Variants in WFDC11 observed in about 807,000 individuals in gnomAD.
WFDC11 encodes protein WFDC11.
A neutral mutation model predicts 9.9 loss-of-function variants in WFDC11; 9 were observed. The ratio of observed to expected loss-of-function variants is 0.91; its 90% CI spans 0.55 to 1.58. WFDC11 has a LOEUF of 1.58. WFDC11 is among the 40% of genes most tolerant of loss of function. WFDC11 has a pLI of 0.00. For missense variants in WFDC11, 106 were observed against 101.7 expected (o/e 1.04, Z -0.18); for synonymous variants, 32 against 33.3 (o/e 0.96, Z 0.13).
intron 1 of WFDC11, among the ~76,000 whole-genome samples, chr20:45,669,127 G>C (rs555898701): frequency 2.6e-5 from 4 of 152,204 alleles, no homozygotes; most frequent in East Asian, 3.9e-4. Flanking sequence ...CAGTTGTCTA[G>C]TGTCACAATC....
At chr20:45,651,226 G>T (rs1225619793) in intron 2 of WFDC11, among the ~76,000 whole-genome samples, 1 of 152,162 alleles carries the variant, frequency 6.6e-6, no homozygotes, top group Non-Finnish European at 1.5e-5. Flanking sequence ...CACCTACTAT[G>T]TGCCCAGCAC....
At chr20:45,661,424 A>G (rs1197000511) in intron 2 of WFDC11, among the ~76,000 whole-genome samples, 2 of 151,908 alleles carry the variant, frequency 1.3e-5, no homozygotes, top group African/African-American at 4.8e-5. Context: ...TAGTTTAATT[A>G]GATCCCATTT....
At chr20:45,649,893 T>C (rs1982764527) in intron 3 of WFDC11, among the ~76,000 whole-genome samples, 1 of 152,088 alleles carries the variant, frequency 6.6e-6, no homozygotes. Context: ...CAGCCTCTCT[T>C]CAAATTCTTA....
Position 45,648,818 on chromosome 20 carries a change from T to C in WFDC11, c.244-79A>G, listed in dbSNP as rs1178958637. The C allele has an allele frequency of 3.5e-6, 5 of 1,426,782 alleles. No individual in the cohort carries two copies. The African/African-American group carries it at 4.2e-5, about 12-fold the overall frequency. The allele number at this position is 1,426,782 out of a possible 1,614,324, so 88.4% of individuals were successfully genotyped here. The stretch of plus-strand genomic sequence containing the variant: ...CATTCATTCCCCCTGCTTAATAGTA[T>C]CCATGTTCACCAGACAATGGGACAA... On this transcript the variant is annotated intron_variant, in intron 4 of 4. Coordinates refer to ENST00000324384, the MANE Select transcript of WFDC11 (RefSeq NM_147197.2).
intron 2 of WFDC11, among the ~76,000 whole-genome samples, chr20:45,665,610 G>A (rs1983171328): frequency 6.6e-6 from 1 of 151,268 alleles, no homozygotes; most frequent in Non-Finnish European, 1.5e-5. Flanking sequence ...TGGTGTAGAT[G>A]TCCTTTTTGT....
Position 45,656,085 on chromosome 20 carries a change from T to G in WFDC11, c.-51-5434A>C, listed in dbSNP as rs570818074. 5.7e-4 allele frequency among the ~76,000 whole-genome samples: 87 copies of G among 152,188 alleles called. 1 individual carries two copies. The highest frequency in any genetic ancestry group is 3.4e-3 in the Middle Eastern group (1 of 294). On this transcript the variant is annotated intron_variant, in intron 2 of 4. Transcript: ENST00000324384. ...CTTCACAGAATTGGGAAAAACTACTTTAAAGTTCATATGGAACCAAAAAAG... is the reference window on the plus strand; with the variant it reads ...CTTCACAGAATTGGGAAAAACTACTGTAAAGTTCATATGGAACCAAAAAAG...
At chr20:45,653,280 T>C (rs961370157) in intron 2 of WFDC11, among the ~76,000 whole-genome samples, 1 of 152,084 alleles carries the variant, frequency 6.6e-6, no homozygotes, top group Non-Finnish European at 1.5e-5. Flanking sequence ...TATTCAACAT[T>C]CTTAAAGAAA....
At chr20:45,652,315 G>A (rs1324276117) in intron 2 of WFDC11, among the ~76,000 whole-genome samples, 1 of 152,174 alleles carries the variant, frequency 6.6e-6, no homozygotes, top group Non-Finnish European at 1.5e-5. Flanking sequence ...TGATACCCAG[G>A]CAAACAGGGT....
intron 1 of WFDC11, among the ~76,000 whole-genome samples, chr20:45,669,911 G>A (rs6073848): frequency 0.18 from 26,608 of 151,736 alleles, 2,508 homozygotes; most frequent in East Asian, 0.33. Flanking sequence ...AAATAAGACT[G>A]GTAGACCACT....
intron 2 of WFDC11, among the ~76,000 whole-genome samples, chr20:45,656,488 A>G (rs192139680): frequency 6.6e-6 from 1 of 152,342 alleles, no homozygotes; most frequent in East Asian, 1.9e-4. Context: ...AAACCCTGGA[A>G]GAAAACCTAG....
chr20:45,658,777 T>C (rs2145619950), intron 2 of WFDC11, among the ~76,000 whole-genome samples: 1 of 152,290 alleles, frequency 6.6e-6, no homozygotes, highest in African/African-American at 2.4e-5. Flanking sequence ...AATGTGCAGG[T>C]TTGTTATATA....
At chr20:45,652,706 T>C (rs1268658502) in intron 2 of WFDC11, among the ~76,000 whole-genome samples, 1 of 151,924 alleles carries the variant, frequency 6.6e-6, no homozygotes, top group East Asian at 1.9e-4. Context: ...AATGGCCAAC[T>C]AGAATAACCA....
intron 2 of WFDC11, among the ~76,000 whole-genome samples, chr20:45,663,782 G>C (rs955897956): frequency 3.3e-5 from 5 of 152,202 alleles, no homozygotes; most frequent in Non-Finnish European, 5.9e-5. Flanking sequence ...TTGCACTGTG[G>C]TCTGAGAGAC....
chr20:45,661,716 T>A (rs1272414983), intron 2 of WFDC11, among the ~76,000 whole-genome samples: 4 of 152,112 alleles, frequency 2.6e-5, no homozygotes, highest in Non-Finnish European at 4.4e-5. Context: ...TTGTCAAAGA[T>A]CAGATAGTTG....
rs1432768061 is a variant in WFDC11, at chr20:45,649,272, G to C, written c.228C>G (p.Ile76Met). Residue 76 changes from isoleucine to methionine, a missense_variant, in exon 4 of 5, where the codon ATC becomes ATG. Transcript: ENST00000324384. The part of the protein sequence containing the change: ...YTCCWTYCGN[I>M]CWINVETSGD... ...CCCAACTCACGACGTTTATCCAGCAGATGTTTCCACAATAGGTCCAGCAGC... is the reference window on the plus strand; with the variant it reads ...CCCAACTCACGACGTTTATCCAGCACATGTTTCCACAATAGGTCCAGCAGC... The C allele has an allele frequency of 1.2e-6, 2 of 1,613,866 alleles. No individual in the cohort carries two copies. Among genetic ancestry groups the C allele is most frequent in the African/African-American group, 2.7e-5 (2 of 74,876 alleles).
chr20:45,666,700 C>T (rs776590914), intron 2 of WFDC11, among the ~76,000 whole-genome samples: 1 of 152,084 alleles, frequency 6.6e-6, no homozygotes, highest in Non-Finnish European at 1.5e-5. Context: ...ATCACTTCAC[C>T]CAATAATGTT....
Position 45,649,328 on chromosome 20 carries a change from C to A in WFDC11, c.172G>T (p.Ala58Ser), listed in dbSNP as rs771186234. 6.2e-7 allele frequency: 1 copy of A among 1,614,152 alleles called. No homozygotes were observed. Among genetic ancestry groups the A allele is most frequent in the Non-Finnish European group, 8.5e-7 (1 of 1,180,020 alleles). The change falls in exon 4 of 5, where the codon GCC (alanine) becomes TCC (serine). Residue 58 changes from alanine to serine, a missense_variant. Physicochemically the swap from Ala to Ser is moderately conservative, Grantham distance 99. Coordinates refer to ENST00000324384, the MANE Select transcript of WFDC11 (RefSeq NM_147197.2). Reference sequence around the variant, plus strand: ...TAATTTTTGTCTTTACATCTAAAGGCTTTAGAACACTTATTGGTACATTCT... The same window carrying A: ...TAATTTTTGTCTTTACATCTAAAGGATTTAGAACACTTATTGGTACATTCT... ...VKECTNKCSKAFRCKDKNYTC... is the reference protein window; with the variant it reads ...VKECTNKCSKSFRCKDKNYTC...
At chr20:45,661,047 T>A (rs983257582) in intron 2 of WFDC11, among the ~76,000 whole-genome samples, 14 of 152,284 alleles carry the variant, frequency 9.2e-5, no homozygotes, top group African/African-American at 2.4e-4. Context: ...TGTAAAAGTG[T>A]TCCTATTTCT....
chr20:45,650,374 A>T, intron 3 of WFDC11, 127 bp downstream of exon 3: 1 of 685,206 alleles, frequency 1.5e-6, no homozygotes, highest in South Asian at 1.9e-5. Flanking sequence ...CAAAATTGTC[A>T]TTCTCTGATG....
Sources: gnomAD v4.1 joint callset for allele counts (sites outside exome capture counted in the v4.1 genomes callset) on GRCh38, gnomAD v4.1.1 for gene constraint, MANE v1.5 for transcripts, NCBI Gene and HGNC (gene_info 2026-07-23, HGNC 2026-07-21) for gene names.